PTDSS1: variants seen among roughly 807,000 people sequenced by gnomAD.
PTDSS1 encodes the protein phosphatidylserine synthase 1.
PTDSS1 carries 45 observed loss-of-function variants against 70.5 expected under a neutral mutation model. That is an observed-to-expected ratio of 0.64 (90% CI 0.50 to 0.82). PTDSS1 has a LOEUF of 0.82. PTDSS1 is among the 40% of genes least tolerant of loss of function. The probability of loss-of-function intolerance (pLI) is 0.00; values close to 1 mark genes in which losing one functional copy is unlikely to be tolerated. For missense variants in PTDSS1, 417 were observed against 586.1 expected (o/e 0.71, Z 2.98); for synonymous variants, 188 against 203.8 (o/e 0.92, Z 0.66).
chr8:96,310,161 ATC>A, intron 9 of PTDSS1, among the ~76,000 whole-genome samples: 1 of 142,486 alleles, frequency 7.0e-6, no homozygotes, highest in East Asian at 2.1e-4. Context: ...AAAGAAATGG[ATC>A]TCTCTCTTTT....
chr8:96,283,285 A>G lies in PTDSS1; in HGVS notation c.272-824A>G, dbSNP rs1045362573. Reference sequence around the variant, plus strand: ...ATAAAGTTGGAAATTCCGCAAGTGTAGGAAGGCTGTTCAAAAGGCGTGGGT... The same window carrying G: ...ATAAAGTTGGAAATTCCGCAAGTGTGGGAAGGCTGTTCAAAAGGCGTGGGT... On this transcript the variant is annotated intron_variant, in intron 2 of 12. Transcript: ENST00000517309. 9.2e-5 allele frequency among the ~76,000 whole-genome samples: 14 copies of G among 152,346 alleles called. No individual in the cohort carries two copies. The East Asian group carries it at 1.5e-3, about 17-fold the overall frequency.
rs1811600471 is a variant in PTDSS1 at position 96,336,989 on chromosome 8, C to T, written c.*3423C>T. The T allele has an allele frequency of 1.0e-5, 1 of 97,746 alleles. No homozygotes were observed. The allele number at this position is 97,746 out of a possible 1,614,324, so 6.1% of individuals were successfully genotyped here. On this transcript the variant is annotated 3_prime_UTR_variant, in exon 13 of 13. Transcript: ENST00000517309. The stretch of plus-strand genomic sequence containing the variant: ...CTCTAACCTGGGCGACAGAGCGAGA[C>T]TATCTCAAAAAAAAAAAAAAAAAAA...
chr8:96,333,983 A>C lies in PTDSS1; in HGVS notation c.*417A>C, dbSNP rs759729662. On this transcript the variant is annotated 3_prime_UTR_variant, in exon 13 of 13. Transcript: ENST00000517309. Reference sequence around the variant, plus strand: ...CACCAGTTTTTATTTTATTTTTATGAATCTACCTTTCCATTGATTGATTTA... The same window carrying C: ...CACCAGTTTTTATTTTATTTTTATGCATCTACCTTTCCATTGATTGATTTA... The C allele has an allele frequency of 2.2e-6, 1 of 453,612 alleles. No individual in the cohort carries two copies. Among genetic ancestry groups the C allele is most frequent in the Non-Finnish European group, 3.9e-6 (1 of 256,682 alleles). 28.1% of individuals were successfully genotyped at this position (453,612 alleles called of 1,614,324 possible).
intron 10 of PTDSS1, among the ~76,000 whole-genome samples, chr8:96,322,071 AC>A: frequency 6.6e-6 from 1 of 151,978 alleles, no homozygotes; most frequent in Non-Finnish European, 1.5e-5. Flanking sequence ...CCAGAGAACC[AC>A]CCGCCCACAG....
Position 96,262,282 on chromosome 8 carries a change from T to TGGGG in PTDSS1, c.179+65_179+66insGGGG. 50 of 250,328 alleles carry TGGGG rather than the reference T, an allele frequency of 2.0e-4. No individual in the cohort carries two copies. Among genetic ancestry groups the TGGGG allele is most frequent in the East Asian group, 4.1e-4 (4 of 9,672 alleles). 15.5% of individuals were successfully genotyped at this position (250,328 alleles called of 1,614,324 possible). A position where few individuals can be genotyped will look rare whatever the true frequency, so the allele number is the denominator to read the frequency against. ...GCTAGGGAAGAGGCGGGAGGGAGGG[T>TGGGG]GGCGGGGAGGGGGGCCCGGCATGGC... On this transcript the variant is annotated intron_variant, in intron 1 of 12. Coordinates refer to ENST00000517309, the MANE Select transcript of PTDSS1 (RefSeq NM_014754.3). This position sits in a 1 kb window ranked among gnomAD's most constrained non-coding sequence, Gnocchi z 4.4.
At chr8:96,325,446 T>C (rs1022122392) in intron 10 of PTDSS1, among the ~76,000 whole-genome samples, 2 of 152,102 alleles carry the variant, frequency 1.3e-5, no homozygotes, top group African/African-American at 4.8e-5. Context: ...GTGAGCAGGA[T>C]TTTTAAGGGT....
At chr8:96,316,901 G>A (rs886146213) in intron 9 of PTDSS1, among the ~76,000 whole-genome samples, 1 of 152,088 alleles carries the variant, frequency 6.6e-6, no homozygotes, top group Non-Finnish European at 1.5e-5. Flanking sequence ...GGCTGAGGCA[G>A]GAGAATCACT....
chr8:96,317,317 TC>T (rs561787121), intron 9 of PTDSS1, among the ~76,000 whole-genome samples: 159 of 151,866 alleles, frequency 1.0e-3, no homozygotes, highest in African/African-American at 3.8e-3. Context: ...CCCCCTCACC[TC>T]CTCCTAGCCA....
Position 96,333,548 on chromosome 8 carries a change from T to C in PTDSS1, c.1404T>C (p.Asn468=), listed in dbSNP as rs781150979. The C allele has an allele frequency of 1.2e-6, 2 of 1,611,128 alleles. No individual in the cohort carries two copies. The highest frequency in any genetic ancestry group is 2.2e-5 in the South Asian group (2 of 91,014). ...RNRHSKSKVT[N]GVGKK ...GGCATTCCAAGTCAAAAGTCACCAA[T>C]GGCGTTGGAAAGAAATGAAAAACCC... Residue 468 remains asparagine, a synonymous_variant, in exon 13 of 13, where the codon AAT becomes AAC. Transcript: ENST00000517309.
At chr8:96,295,039 C>G (rs919973700) in intron 4 of PTDSS1, 59 bp from the exon 5 acceptor site, 3 of 1,486,552 alleles carry the variant, frequency 2.0e-6, no homozygotes, top group Non-Finnish European at 2.7e-6. Context: ...CCGGCAGAAT[C>G]CTGGAAGCAA....
At chr8:96,277,047 T>A (rs1810659070) in intron 2 of PTDSS1, among the ~76,000 whole-genome samples, 2 of 149,464 alleles carry the variant, frequency 1.3e-5, no homozygotes. Flanking sequence ...ATGCCAAAAA[T>A]AAGGTTTCAG....
intron 5 of PTDSS1, among the ~76,000 whole-genome samples, chr8:96,296,248 C>T (rs1810974774): frequency 6.7e-6 from 1 of 149,838 alleles, no homozygotes; most frequent in Admixed American, 6.7e-5. Flanking sequence ...ACGCCATTCT[C>T]CTGCCTCAGC....
chr8:96,321,668 G>GT lies in PTDSS1; in HGVS notation c.1173+1330dup, dbSNP rs201173728. On this transcript the variant is annotated intron_variant, in intron 10 of 12. Coordinates refer to ENST00000517309, the MANE Select transcript of PTDSS1 (RefSeq NM_014754.3). ...AGAGGCTTAATCACATTTGGGTCTA[G>GT]TTTTTTTCTTTTCTTTTCTCTTTTT... 9.0e-3 allele frequency among the ~76,000 whole-genome samples: 1,364 copies of GT among 152,132 alleles called. 23 individuals carry two copies. The highest frequency in any genetic ancestry group is 0.031 in the African/African-American group (1,278 of 41,492).
At chr8:96,279,399 A>G (rs545627728) in intron 2 of PTDSS1, among the ~76,000 whole-genome samples, 2 of 151,760 alleles carry the variant, frequency 1.3e-5, no homozygotes, top group South Asian at 4.1e-4. Flanking sequence ...TAAGATAATG[A>G]TAATCATGTC....
chr8:96,310,415 G>T (rs918934942), intron 9 of PTDSS1, among the ~76,000 whole-genome samples: 1 of 151,588 alleles, frequency 6.6e-6, no homozygotes, highest in African/African-American at 2.4e-5. Context: ...GACCCCCTTG[G>T]CCTCCCAAAG....
intron 2 of PTDSS1, among the ~76,000 whole-genome samples, chr8:96,275,307 C>G (rs1810624918): frequency 6.6e-6 from 1 of 152,104 alleles, no homozygotes; most frequent in African/African-American, 2.4e-5. Context: ...AGGGATACAT[C>G]ACCACACCCA....
At chr8:96,330,401 A>G (rs1308395908) in intron 11 of PTDSS1, 120 bp downstream of exon 11, 7 of 939,128 alleles carry the variant, frequency 7.5e-6, no homozygotes, top group Non-Finnish European at 1.1e-5. Context: ...TGGGGCCTCC[A>G]GTCCTGCCAC....
intron 10 of PTDSS1, among the ~76,000 whole-genome samples, chr8:96,326,189 G>C (rs544823154): frequency 2.6e-5 from 4 of 152,234 alleles, no homozygotes; most frequent in Non-Finnish European, 4.4e-5. Context: ...TTCTCTGCCT[G>C]ATCTGAAAGA....
At chr8:96,295,851 A>T (rs754512947) in intron 5 of PTDSS1, among the ~76,000 whole-genome samples, 3 of 152,176 alleles carry the variant, frequency 2.0e-5, no homozygotes, top group Non-Finnish European at 4.4e-5. Context: ...CATGCGCAGT[A>T]TACTTCTCCA....
Sources: gnomAD v4.1 joint callset for allele counts (sites outside exome capture counted in the v4.1 genomes callset) on GRCh38, gnomAD v4.1.1 for gene constraint, Gnocchi (gnomAD v3.1) non-coding constraint, MANE v1.5 for transcripts, NCBI Gene and HGNC (gene_info 2026-07-23, HGNC 2026-07-21) for gene names.